Variants in NOL9 observed in about 807,000 individuals in gnomAD.
The protein encoded by NOL9 is nucleolar protein 9, also known as polynucleotide 5'-hydroxyl-kinase NOL9.
In NOL9, 28 loss-of-function variants were observed where a neutral mutation model predicts 67.9. The ratio of observed to expected loss-of-function variants is 0.41; its 90% CI spans 0.31 to 0.57. The LOEUF is 0.57. Ranked by LOEUF, NOL9 falls within the 20% of genes least tolerant of loss-of-function variation. The pLI is 0.25. For synonymous variants in NOL9, 356 were observed against 352.2 expected (o/e 1.01, Z -0.12); for missense variants, 777 against 897.0 (o/e 0.87, Z 1.71).
At chr1:6,532,111 C>T (rs1222617276) in intron 8 of NOL9, 32 bp from the exon 9 acceptor site, 2 of 1,534,910 alleles carry the variant, frequency 1.3e-6, no homozygotes, top group African/African-American at 2.7e-5. Flanking sequence ...GGTAAGTAGA[C>T]ATTTAACCCT....
intron 6 of NOL9, among the ~76,000 whole-genome samples, chr1:6,535,686 G>C (rs562403659): frequency 3.9e-5 from 6 of 152,276 alleles, no homozygotes; most frequent in African/African-American, 1.4e-4. Context: ...TAGCACTTTG[G>C]GAGGCCAAGG....
chr1:6,547,962 C>A, intron 3 of NOL9: 1 of 263,364 alleles, frequency 3.8e-6, no homozygotes, highest in African/African-American at 2.2e-5. Context: ...CATAGGCTTC[C>A]TACAATACAC....
At chr1:6,542,621 C>A (rs1557790320) in intron 5 of NOL9, among the ~76,000 whole-genome samples, 1 of 151,612 alleles carries the variant, frequency 6.6e-6, no homozygotes, top group African/African-American at 2.4e-5. Flanking sequence ...CCACGCCCGG[C>A]TAATTTTTTC....
chr1:6,548,911 G>A (rs1252209698), intron 3 of NOL9, among the ~76,000 whole-genome samples: 14 of 151,792 alleles, frequency 9.2e-5, no homozygotes, highest in South Asian at 2.1e-4. Flanking sequence ...GTGAAACCCC[G>A]TCTGTACTAA....
At chr1:6,552,268 T>C (rs557364665) in intron 1 of NOL9, among the ~76,000 whole-genome samples, 1 of 152,218 alleles carries the variant, frequency 6.6e-6, no homozygotes, top group East Asian at 1.9e-4. Context: ...ACACCCTGCG[T>C]ATGTACCCTG....
At chr1:6,551,131 G>A (rs957621216) in intron 1 of NOL9, among the ~76,000 whole-genome samples, 13 of 152,140 alleles carry the variant, frequency 8.5e-5, no homozygotes, top group African/African-American at 2.9e-4. Context: ...AGGCAACAGA[G>A]TGAGACTTCT....
intron 3 of NOL9, among the ~76,000 whole-genome samples, chr1:6,546,489 C>A (rs1639424266): frequency 6.6e-6 from 1 of 152,158 alleles, no homozygotes; most frequent in South Asian, 2.1e-4. Flanking sequence ...TATCTGCTTC[C>A]CACACAGTGA....
At chr1:6,529,850 C>G (rs1638982143) in intron 9 of NOL9, among the ~76,000 whole-genome samples, 1 of 150,852 alleles carries the variant, frequency 6.6e-6, no homozygotes, top group Admixed American at 6.6e-5. Flanking sequence ...CACTTGAACC[C>G]AGGAGGCGGA....
At position 6,525,205 on chromosome 1, in the gene NOL9, T is replaced by C. The variant is rs1270203850; in HGVS notation, c.*649A>G. 1 of 152,292 alleles carries C rather than the reference T, an allele frequency of 6.6e-6. No homozygotes were observed. The highest frequency in any genetic ancestry group is 2.4e-5 in the African/African-American group (1 of 41,406). 9.4% of individuals were successfully genotyped at this position (152,292 alleles called of 1,614,324 possible). ...CTGTCGCTCAGGCTGGAGTAGTTGG[T>C]GTACTCCAGCCTGGAACTCCGAGGC... On this transcript the variant is annotated 3_prime_UTR_variant, in exon 12 of 12. Coordinates refer to ENST00000377705, the MANE Select transcript of NOL9 (RefSeq NM_024654.5).
At chr1:6,545,542 A>G (rs1313995824) in intron 3 of NOL9, among the ~76,000 whole-genome samples, 1 of 152,188 alleles carries the variant, frequency 6.6e-6, no homozygotes, top group Non-Finnish European at 1.5e-5. Flanking sequence ...TAAAGCAAAA[A>G]CACACGGACA....
chr1:6,542,523 T>C (rs2148658549), intron 5 of NOL9, among the ~76,000 whole-genome samples: 1 of 149,788 alleles, frequency 6.7e-6, no homozygotes, highest in East Asian at 2.0e-4. Context: ...AGTGGCGCGA[T>C]CTTGGCTCAC....
At chr1:6,545,778 G>A (rs914755565) in intron 3 of NOL9, among the ~76,000 whole-genome samples, 12 of 152,102 alleles carry the variant, frequency 7.9e-5, no homozygotes, top group South Asian at 2.1e-4. Flanking sequence ...GCTGGGCGCA[G>A]TGGTGCACGC....
At chr1:6,534,931 G>A (rs1639115881) in intron 6 of NOL9, among the ~76,000 whole-genome samples, 1 of 152,114 alleles carries the variant, frequency 6.6e-6, no homozygotes, top group African/African-American at 2.4e-5. Context: ...AGCCTCCCAA[G>A]TAGCTGGGAT....
At chr1:6,542,166 T>TTC (rs1639307416) in intron 5 of NOL9, among the ~76,000 whole-genome samples, 2 of 142,166 alleles carry the variant, frequency 1.4e-5, no homozygotes, top group African/African-American at 5.3e-5. Flanking sequence ...CTTTCAGATT[T>TTC]TTTTTTTTTT....
At chr1:6,552,749 C>T (rs1410396982) in intron 1 of NOL9, among the ~76,000 whole-genome samples, 3 of 152,322 alleles carry the variant, frequency 2.0e-5, no homozygotes, top group South Asian at 2.1e-4. Flanking sequence ...GGATTACAGG[C>T]GTGAGCCACT....
At chr1:6,529,738 C>T (rs966578237) in intron 9 of NOL9, among the ~76,000 whole-genome samples, 5 of 151,796 alleles carry the variant, frequency 3.3e-5, no homozygotes, top group African/African-American at 1.2e-4. Flanking sequence ...CCAGCCTGGC[C>T]AACATGGCGA....
At position 6,551,797 on chromosome 1, in the gene NOL9, C is replaced by T. The variant is rs186449805; in HGVS notation, c.397-1182G>A. On this transcript the variant is annotated intron_variant, in intron 1 of 11. Coordinates refer to ENST00000377705, the MANE Select transcript of NOL9 (RefSeq NM_024654.5). ...CTGTAATCCCAGCACTTTGGGAGGC[C>T]GAGGCGGGTGGATCACAAGGTCAGG... Among the ~76,000 whole-genome samples, 1,469 of 151,890 alleles carry T rather than the reference C, an allele frequency of 9.7e-3. 25 individuals are homozygous for T. Among genetic ancestry groups the T allele is most frequent in the African/African-American group, 0.034 (1,388 of 41,400 alleles).
chr1:6,530,223 C>T (rs573984335), intron 9 of NOL9, among the ~76,000 whole-genome samples: 102 of 152,128 alleles, frequency 6.7e-4, no homozygotes, highest in Middle Eastern at 3.4e-3. Flanking sequence ...GAGGCTGAGG[C>T]GGGTGGATCA....
At chr1:6,529,404 C>T (rs1431401488) in intron 9 of NOL9, among the ~76,000 whole-genome samples, 1 of 151,926 alleles carries the variant, frequency 6.6e-6, no homozygotes, top group African/African-American at 2.4e-5. Flanking sequence ...GCCTGACCAA[C>T]GTGGTGAAAC....
Sources: allele counts gnomAD v4.1 joint callset (sites outside exome capture counted in the v4.1 genomes callset), GRCh38; gene constraint gnomAD v4.1.1; transcripts MANE v1.5; gene names NCBI Gene and HGNC (gene_info 2026-07-23, HGNC 2026-07-21).